Variants in ROBO2 observed in about 807,000 individuals in gnomAD.
ROBO2 encodes roundabout guidance receptor 2, also known as roundabout homolog 2.
ROBO2 carries 53 observed loss-of-function variants against 160.8 expected under a neutral mutation model. That is an observed-to-expected ratio of 0.33 (90% confidence interval 0.26 to 0.41). ROBO2 has a LOEUF of 0.41. Ranked by LOEUF, ROBO2 falls within the 10% of genes least tolerant of loss-of-function variation. The pLI is 1.00. For missense variants in ROBO2, 1,577 were observed against 1,722.4 expected, an observed-to-expected ratio of 0.92 and a Z score of 1.49; for synonymous variants, 664 against 611.7, an observed-to-expected ratio of 1.09 and a Z score of -1.26.
chr3:77,594,084 C>G (rs1179246930), intron 17 of ROBO2, among the ~76,000 whole-genome samples: 2 of 152,066 alleles, frequency 1.3e-5, no homozygotes, highest in Non-Finnish European at 2.9e-5. Context: ...CACCATGTTT[C>G]TTTTTAAAAA....
intron 5 of ROBO2, among the ~76,000 whole-genome samples, chr3:77,495,255 A>C (rs2153602102): frequency 6.6e-6 from 1 of 152,302 alleles, no homozygotes; most frequent in African/African-American, 2.4e-5. Flanking sequence ...TGAAACTTTA[A>C]AAACCTTTAA....
intron 2 of ROBO2, among the ~76,000 whole-genome samples, chr3:77,210,961 G>A (rs1457431143): frequency 6.6e-6 from 1 of 152,048 alleles, no homozygotes; most frequent in Non-Finnish European, 1.5e-5. Context: ...GTGTATATGT[G>A]CCACATTTTC....
At chr3:77,298,667 A>G (rs555878817) in intron 2 of ROBO2, among the ~76,000 whole-genome samples, 1 of 152,192 alleles carries the variant, frequency 6.6e-6, no homozygotes, top group Non-Finnish European at 1.5e-5. Context: ...ACAGCAAGTT[A>G]TCCTCAGCAG....
intron 1 of ROBO2, among the ~76,000 whole-genome samples, chr3:77,077,197 C>A (rs1339626738): frequency 6.6e-6 from 1 of 152,160 alleles, no homozygotes; most frequent in African/African-American, 2.4e-5. Flanking sequence ...GATTCCTCAT[C>A]TGTAAAACAG....
chr3:76,185,219 C>T (rs202032562), intron 2 of ROBO2, among the ~76,000 whole-genome samples: 2,354 of 14,968 alleles, frequency 0.16, 133 homozygotes, highest in East Asian at 0.5. Context: ...TATATATACA[C>T]ACACAAAGAT....
intron 2 of ROBO2, among the ~76,000 whole-genome samples, chr3:76,079,039 A>G (rs1210157622): frequency 6.6e-6 from 1 of 152,208 alleles, no homozygotes; most frequent in African/African-American, 2.4e-5. Flanking sequence ...GTTAAGTGAA[A>G]TGAGCTAGGC....
At chr3:77,538,424 G>A (rs570498347) in intron 6 of ROBO2, among the ~76,000 whole-genome samples, 2 of 151,874 alleles carry the variant, frequency 1.3e-5, no homozygotes, top group South Asian at 2.1e-4. Flanking sequence ...TGATCTGCCC[G>A]CCTTGGTCTC....
intron 11 of ROBO2, chr3:77,564,401 T>C (rs1177377198): frequency 2.2e-6 from 1 of 453,440 alleles, no homozygotes; most frequent in East Asian, 7.0e-5. Context: ...TTATTAACAA[T>C]GTAACCAAGG....
intron 2 of ROBO2, among the ~76,000 whole-genome samples, chr3:77,024,853 G>A (rs1210601102): frequency 6.6e-6 from 1 of 152,114 alleles, no homozygotes; most frequent in Non-Finnish European, 1.5e-5. Flanking sequence ...CATATTGGAG[G>A]GGGAAAAGAC....
intron 5 of ROBO2, among the ~76,000 whole-genome samples, chr3:77,495,056 A>G (rs1172248154): frequency 6.6e-6 from 1 of 152,166 alleles, no homozygotes; most frequent in Non-Finnish European, 1.5e-5. Context: ...AAACAAGGAG[A>G]GTTTACACTA....
intron 2 of ROBO2, among the ~76,000 whole-genome samples, chr3:76,262,017 A>C (rs1706800845): frequency 6.6e-6 from 1 of 152,160 alleles, no homozygotes; most frequent in Admixed American, 6.6e-5. Context: ...CTTTATGCAG[A>C]GCATGCTTGT....
intron 2 of ROBO2, among the ~76,000 whole-genome samples, chr3:76,700,185 TCTG>T (rs1357901702): frequency 6.6e-6 from 1 of 152,102 alleles, no homozygotes. Flanking sequence ...TCTTATTCTT[TCTG>T]TCATTTTTTG....
intron 2 of ROBO2, among the ~76,000 whole-genome samples, chr3:77,033,899 T>C (rs146524073): frequency 6.6e-6 from 1 of 152,006 alleles, no homozygotes; most frequent in African/African-American, 2.4e-5. Flanking sequence ...CCATTGAAAC[T>C]TTTTTCTTAA....
intron 2 of ROBO2, among the ~76,000 whole-genome samples, chr3:77,391,375 C>T (rs116743831): frequency 0.036 from 5,499 of 151,738 alleles, 357 homozygotes; most frequent in African/African-American, 0.13. Flanking sequence ...GACACAATCA[C>T]GGCTCACTGC....
chr3:76,696,080 T>C (rs2092920429), intron 2 of ROBO2, among the ~76,000 whole-genome samples: 1 of 152,146 alleles, frequency 6.6e-6, no homozygotes, highest in Non-Finnish European at 1.5e-5. Flanking sequence ...AAAGTGTTCT[T>C]AGCCAGTTTC....
chr3:76,944,506 A>G (rs941102904), intron 2 of ROBO2, among the ~76,000 whole-genome samples: 11 of 152,246 alleles, frequency 7.2e-5, no homozygotes, highest in Non-Finnish European at 2.9e-5. Flanking sequence ...GTAGCCATCA[A>G]TTGAAAACAT....
chr3:77,335,832 A>G (rs1031739723), intron 2 of ROBO2, among the ~76,000 whole-genome samples: 3 of 152,236 alleles, frequency 2.0e-5, no homozygotes, highest in Non-Finnish European at 4.4e-5. Flanking sequence ...TGACACTACG[A>G]TAGAAGAGAG....
intron 2 of ROBO2, among the ~76,000 whole-genome samples, chr3:76,929,464 A>G (rs1387265943): frequency 6.6e-6 from 1 of 152,154 alleles, no homozygotes; most frequent in Non-Finnish European, 1.5e-5. Flanking sequence ...CCAGACTGCA[A>G]CACTTCACAC....
chr3:77,115,544 T>A (rs1387517508), intron 2 of ROBO2, among the ~76,000 whole-genome samples: 1 of 152,190 alleles, frequency 6.6e-6, no homozygotes, highest in Non-Finnish European at 1.5e-5. Context: ...TAGCCCTTTC[T>A]CTACTTTATA....
Sources: gnomAD v4.1 joint callset for allele counts (sites outside exome capture counted in the v4.1 genomes callset) on GRCh38, gnomAD v4.1.1 for gene constraint, MANE v1.5 for transcripts, NCBI Gene and HGNC (gene_info 2026-07-23, HGNC 2026-07-21) for gene names.